Variants in DMD observed in about 807,000 individuals in gnomAD.
DMD encodes mutant dystrophin.
Under a neutral mutation model 330.1 loss-of-function variants are expected in DMD, and 63 were observed. The ratio of observed to expected loss-of-function variants is 0.19; its 90% CI spans 0.16 to 0.24. The LOEUF (loss-of-function observed/expected upper bound fraction) is 0.24. Ranked by LOEUF, DMD falls within the 10% of genes least tolerant of loss-of-function variation. The pLI is 1.00. For missense variants in DMD, 3,344 were observed against 2,684.1 expected (o/e 1.25, Z -5.43); for synonymous variants, 1,223 against 959.8 (o/e 1.27, Z -5.07).
At chrX:31,287,017 G>C (rs925390672) in intron 62 of DMD, among the ~76,000 whole-genome samples, 1 of 112,272 alleles carries the variant, frequency 8.9e-6, no homozygotes, top group East Asian at 2.8e-4. Context: ...TGCCCTCCTC[G>C]GCCTCCCAAA....
intron 74 of DMD, among the ~76,000 whole-genome samples, chrX:31,150,212 C>G (rs1248483275): frequency 9.0e-6 from 1 of 111,403 alleles, no homozygotes; most frequent in Non-Finnish European, 1.9e-5. Context: ...ATTTCTAGAC[C>G]TATATAGTTA....
chrX:31,166,714 A>G (rs2039453271), intron 74 of DMD, among the ~76,000 whole-genome samples: 1 of 111,643 alleles, frequency 9.0e-6, no homozygotes, highest in Admixed American at 9.5e-5. Flanking sequence ...GCAAGAAGAC[A>G]GGACAGGGCA....
intron 45 of DMD, among the ~76,000 whole-genome samples, chrX:31,951,145 A>ATATATG (rs2095165776): frequency 7.0e-5 from 5 of 71,291 alleles, no homozygotes; most frequent in East Asian, 4.2e-4. Flanking sequence ...ATATATGTGT[A>ATATATG]TATATATATA....
At chrX:31,497,963 T>A (rs774189611) in intron 56 of DMD, among the ~76,000 whole-genome samples, 1 of 112,401 alleles carries the variant, frequency 8.9e-6, no homozygotes, top group South Asian at 3.6e-4. Context: ...TGGAGCAACA[T>A]TTCCCTTAGC....
At chrX:33,089,429 C>G (rs2095055691) in intron 1 of DMD, among the ~76,000 whole-genome samples, 1 of 110,555 alleles carries the variant, frequency 9.0e-6, no homozygotes, top group Admixed American at 9.7e-5. Flanking sequence ...AATTGTGTCT[C>G]ACGCCTATAA....
At chrX:32,102,689 C>A (rs1162009137) in intron 44 of DMD, among the ~76,000 whole-genome samples, 2 of 111,349 alleles carry the variant, frequency 1.8e-5, no homozygotes, top group African/African-American at 6.5e-5. Flanking sequence ...CGATGATGAA[C>A]CCATCTTCTG....
At chrX:32,603,080 G>A (rs933422476) in intron 12 of DMD, among the ~76,000 whole-genome samples, 9 of 111,019 alleles carry the variant, frequency 8.1e-5, no homozygotes, top group East Asian at 2.8e-4. Flanking sequence ...TCATCTGCAC[G>A]TGGATCATTA....
At chrX:31,610,702 A>C (rs1421060357) in intron 55 of DMD, among the ~76,000 whole-genome samples, 1 of 112,094 alleles carries the variant, frequency 8.9e-6, no homozygotes, top group African/African-American at 3.2e-5. Context: ...TAATTGGATT[A>C]AGTTATGGGA....
At chrX:31,204,675 T>C (rs142496480) in intron 66 of DMD, among the ~76,000 whole-genome samples, 8,427 of 111,864 alleles carry the variant, frequency 0.075, 251 homozygotes, top group East Asian at 0.17. Flanking sequence ...CAGGCTGCAG[T>C]GCAGTGGTGC....
chrX:32,352,269 A>C (rs1248120076), intron 37 of DMD, among the ~76,000 whole-genome samples: 1 of 110,753 alleles, frequency 9.0e-6, no homozygotes, highest in Non-Finnish European at 1.9e-5. Context: ...ACCTTACAGT[A>C]AGTTCTTGTC....
intron 2 of DMD, among the ~76,000 whole-genome samples, chrX:33,004,410 A>G (rs952151887): frequency 1.8e-5 from 2 of 111,458 alleles, no homozygotes; most frequent in African/African-American, 6.5e-5. Flanking sequence ...TTACCAATGA[A>G]TATCTGCATG....
intron 61 of DMD, among the ~76,000 whole-genome samples, chrX:31,346,862 C>G (rs1229561627): frequency 9.4e-6 from 1 of 106,634 alleles, no homozygotes; most frequent in African/African-American, 3.4e-5. Flanking sequence ...TTATCTGGGC[C>G]TGGTGGTGTA....
intron 17 of DMD, among the ~76,000 whole-genome samples, chrX:32,530,344 A>G (rs780723267): frequency 8.9e-6 from 1 of 112,273 alleles, no homozygotes; most frequent in African/African-American, 3.2e-5. Flanking sequence ...GATTGCAGTG[A>G]AGAGAATAAA....
At chrX:32,739,647 A>T (rs1294796112) in intron 7 of DMD, among the ~76,000 whole-genome samples, 1 of 111,934 alleles carries the variant, frequency 8.9e-6, no homozygotes, top group Admixed American at 9.6e-5. Flanking sequence ...TAAATTTGGA[A>T]ACTTGAGAAG....
chrX:31,408,598 C>T (rs908295258), intron 60 of DMD, among the ~76,000 whole-genome samples: 11 of 110,761 alleles, frequency 9.9e-5, no homozygotes, highest in Non-Finnish European at 2.1e-4. Context: ...GAGGTTTCAC[C>T]GTGTTGGCCA....
chrX:32,518,207 C>A, intron 17 of DMD, 76 bp from the exon 18 acceptor site: 1 of 1,004,800 alleles, frequency 1.0e-6, no homozygotes, highest in South Asian at 2.1e-5. Context: ...AATTTATCCA[C>A]ATTTATCATT....
At chrX:31,170,655 T>G (rs888243956) in intron 73 of DMD, among the ~76,000 whole-genome samples, 2 of 111,651 alleles carry the variant, frequency 1.8e-5, no homozygotes, top group African/African-American at 6.5e-5. Context: ...TTACCTGGTT[T>G]AGATGTGAAA....
intron 2 of DMD, among the ~76,000 whole-genome samples, chrX:32,903,092 G>A (rs887527724): frequency 1.1e-5 from 1 of 92,452 alleles, no homozygotes; most frequent in African/African-American, 4.5e-5. Flanking sequence ...GGGAGGCGGA[G>A]GTTGCAGCCC....
At chrX:32,595,595 T>G (rs962852206) in intron 13 of DMD, among the ~76,000 whole-genome samples, 162 bp downstream of exon 13, 5 of 112,350 alleles carry the variant, frequency 4.5e-5, no homozygotes, top group Non-Finnish European at 9.4e-5. Context: ...ATGGAATTCT[T>G]TAAATCACAG....
Sources: allele counts gnomAD v4.1 joint callset (sites outside exome capture counted in the v4.1 genomes callset), GRCh38; gene constraint gnomAD v4.1.1; transcripts MANE v1.5; gene names NCBI Gene and HGNC (gene_info 2026-07-23, HGNC 2026-07-21).